SYNE2: variants seen among roughly 807,000 people sequenced by gnomAD.
The protein encoded by SYNE2 is spectrin repeat containing nuclear envelope protein 2.
SYNE2 carries 431 observed loss-of-function variants against 856.3 expected under a neutral mutation model. That is an observed-to-expected ratio of 0.50 (90% confidence interval 0.47 to 0.55). The LOEUF (loss-of-function observed/expected upper bound fraction) is 0.55. SYNE2 is among the 20% of genes least tolerant of loss of function. The probability of loss-of-function intolerance (pLI) is 0.00; values close to 1 mark genes in which losing one functional copy is unlikely to be tolerated. For synonymous variants in SYNE2, 2,923 were observed against 2,872.3 expected (o/e 1.02, Z -0.56); for missense variants, 8,129 against 8,023.2 (o/e 1.01, Z -0.50).
intron 108 of SYNE2, 35 bp downstream of exon 108, chr14:64,216,422 T>A: frequency 6.2e-7 from 1 of 1,605,372 alleles, no homozygotes; most frequent in Non-Finnish European, 8.5e-7. Context: ...ACAGCCTATG[T>A]CTGTGAGTCA....
At chr14:63,948,782 G>GTGTGTATA (rs1454688156) in intron 6 of SYNE2, among the ~76,000 whole-genome samples, 6 of 43,906 alleles carry the variant, frequency 1.4e-4, no homozygotes, top group African/African-American at 4.0e-4. Flanking sequence ...ATGTGTGTGT[G>GTGTGTATA]TATATATATA....
intron 109 of SYNE2, among the ~76,000 whole-genome samples, 187 bp from the exon 110 acceptor site, chr14:64,219,021 T>G (rs531111873): frequency 6.6e-6 from 1 of 151,860 alleles, no homozygotes; most frequent in South Asian, 2.1e-4. Flanking sequence ...ACGCCTCAGA[T>G]CATGTGCTAT....
chr14:64,152,669 T>A lies in SYNE2; in HGVS notation c.15745T>A (p.Ser5249Thr). Residue 5249 changes from serine to threonine, a missense_variant, in exon 85 of 116, where the codon TCC (serine) becomes ACC (threonine). By Grantham distance (58) the Ser-to-Thr change is moderately conservative (BLOSUM62 1). Transcript: ENST00000555002. ...GAVPLLEDTA[S>T]RIDELFQKRS... is the part of the protein sequence containing the mutation. Reference sequence around the variant, plus strand: ...AGTGCCATTGTTAGAAGATACAGCATCCCGAATTGATGAGTTATTTCAAAA... The same window carrying A: ...AGTGCCATTGTTAGAAGATACAGCAACCCGAATTGATGAGTTATTTCAAAA... 1 of 1,614,116 alleles carries A rather than the reference T, an allele frequency of 6.2e-7. No homozygotes were observed. The highest frequency in any genetic ancestry group is 1.1e-5 in the South Asian group (1 of 91,078).
At chr14:64,137,544 T>A (rs1595769966) in intron 78 of SYNE2, among the ~76,000 whole-genome samples, 1 of 152,102 alleles carries the variant, frequency 6.6e-6, no homozygotes, top group Non-Finnish European at 1.5e-5. Flanking sequence ...AGCCACTGCA[T>A]CCAGCCAGTA....
In SYNE2 at chr14:63,807,853, ATATATATATAT is replaced by A. The variant is rs1566578920; in HGVS notation, c.-304-44647_-304-44637del. Among the ~76,000 whole-genome samples the A allele has an allele frequency of 1.3e-3, 129 of 100,652 alleles. 6 individuals are homozygous for A. In the South Asian group the frequency reaches 0.043, roughly 34 times the overall value. The allele number at this position is 100,652 out of a possible 152,430, so 66.0% of individuals were successfully genotyped here. On this transcript the variant is annotated intron_variant, in intron 1 of 23. Transcript: ENST00000674003. Reference sequence around the variant, plus strand: ...TATATATATATATATATATATATATATATATATATATAATTTCAATAGTTTTTGGGAACAAG... The same window carrying A: ...TATATATATATATATATATATATATAAATTTCAATAGTTTTTGGGAACAAG...
In SYNE2 at chr14:64,208,841, T is replaced by A; in HGVS notation, c.18285T>A (p.Asp6095Glu). 1 of 1,614,242 alleles carries A rather than the reference T, an allele frequency of 6.2e-7. No homozygotes were observed. The highest frequency in any genetic ancestry group is 8.5e-7 in the Non-Finnish European group (1 of 1,180,048). ...GTGACGTCCTACTGCACGACTCCGA[T>A]GCCTGTGCAAATGAGACCGAGTGTG... ...NICDVLLHDS[D>E]ACANETECDS... The change falls in exon 101 of 116, where the codon GAT becomes GAA. Residue 6095 changes from aspartate to glutamate, a missense_variant. Around this residue, in one of 3 missense-constraint regions of SYNE2, gnomAD observed 5,410 missense variants for 5,284.8 expected, o/e 1.02. Transcript: ENST00000555002.
chr14:64,219,922 G>T (rs1442044916), intron 110 of SYNE2, among the ~76,000 whole-genome samples: 1 of 152,186 alleles, frequency 6.6e-6, no homozygotes, highest in Non-Finnish European at 1.5e-5. Flanking sequence ...CTAGCCCAGG[G>T]AGCTGCAAAG....
rs140574878 is a variant in SYNE2 at position 63,824,138 on chromosome 14, A to C, written c.-304-28363A>C. On this transcript the variant is annotated intron_variant, in intron 1 of 23. Transcript: ENST00000674003. ...CAGATCACTTGAGCTCAGAAGTTAG[A>C]GATCAGCCTGGGCAACATAATCAAA... Among the ~76,000 whole-genome samples, 154 of 152,326 alleles carry C rather than the reference A, an allele frequency of 1.0e-3. 1 individual carries two copies. Among genetic ancestry groups the C allele is most frequent in the Non-Finnish European group, 1.9e-3 (132 of 68,022 alleles).
intron 2 of SYNE2, among the ~76,000 whole-genome samples, chr14:63,927,381 G>A (rs2095682862): frequency 6.6e-6 from 1 of 152,030 alleles, no homozygotes; most frequent in East Asian, 1.9e-4. Context: ...GACCCCATCT[G>A]ATATGGTTTG....
At position 64,129,908 on chromosome 14, in the gene SYNE2, C is replaced by T. The variant is rs1262786116; in HGVS notation, c.14139+7C>T. The T allele has an allele frequency of 1.2e-6, 2 of 1,614,090 alleles. No homozygotes were observed. Among genetic ancestry groups the T allele is most frequent in the East Asian group, 2.2e-5 (1 of 44,888 alleles). On this transcript the variant is annotated splice_region_variant and intron_variant, in intron 75 of 115. Transcript: ENST00000555002. Reference sequence around the variant, plus strand: ...GGAGGTTTACAAATTAGAGGTATGCCTGAGCAGAAAACATTGACTCAGCAC... The same window carrying T: ...GGAGGTTTACAAATTAGAGGTATGCTTGAGCAGAAAACATTGACTCAGCAC...
intron 100 of SYNE2, 69 bp from the exon 101 acceptor site, chr14:64,208,689 G>A: frequency 1.3e-5 from 20 of 1,539,548 alleles, no homozygotes; most frequent in Admixed American, 1.7e-5. Flanking sequence ...AGGAACGGAG[G>A]TCCTTTGATG....
At position 63,990,330 on chromosome 14, in the gene SYNE2, G is replaced by A; in HGVS notation, c.2314-81G>A. The A allele has an allele frequency of 3.6e-6, 5 of 1,403,436 alleles. No homozygotes were observed. In the South Asian group the frequency reaches 5.1e-5, roughly 14 times the overall value. The allele number at this position is 1,403,436 out of a possible 1,614,324, so 86.9% of individuals were successfully genotyped here. Reference sequence around the variant, plus strand: ...TTTTGGATTAATAATGAACTTTTTTGGTTTCCTGAGATTGTTTTGATTAAT... The same window carrying A: ...TTTTGGATTAATAATGAACTTTTTTAGTTTCCTGAGATTGTTTTGATTAAT... On this transcript the variant is annotated intron_variant, in intron 19 of 115. Coordinates refer to ENST00000555002, the MANE Select transcript of SYNE2 (RefSeq NM_182914.3).
chr14:63,855,838 A>G (rs1456119953), intron 1 of SYNE2, among the ~76,000 whole-genome samples: 1 of 152,196 alleles, frequency 6.6e-6, no homozygotes, highest in Non-Finnish European at 1.5e-5. Context: ...TAACTGGCGT[A>G]TAGCAGGTCC....
At chr14:63,941,352 CATAAG>C (rs2095912770) in intron 3 of SYNE2, among the ~76,000 whole-genome samples, 1 of 152,196 alleles carries the variant, frequency 6.6e-6, no homozygotes. Flanking sequence ...AGGGTAAATA[CATAAG>C]CAGGTTACTC....
chr14:64,040,441 CAAAA>C (rs1160193146), intron 45 of SYNE2, among the ~76,000 whole-genome samples: 1 of 151,274 alleles, frequency 6.6e-6, no homozygotes, highest in African/African-American at 2.4e-5. Context: ...CAACAAACAA[CAAAA>C]AAAGTCATTA....
chr14:64,215,983 T>G (rs911189776), intron 107 of SYNE2: 10 of 1,401,422 alleles, frequency 7.1e-6, no homozygotes, highest in Non-Finnish European at 9.3e-6. Context: ...TCCCTACCAC[T>G]CGAGACCCTG....
intron 6 of SYNE2, among the ~76,000 whole-genome samples, chr14:63,947,560 G>T (rs1199263101): frequency 6.6e-6 from 1 of 152,014 alleles, no homozygotes; most frequent in South Asian, 2.1e-4. Flanking sequence ...CCATGGCCCA[G>T]CACAGTGGCT....
At chr14:64,182,693 C>T (rs1474623417) in intron 96 of SYNE2, among the ~76,000 whole-genome samples, 2 of 152,188 alleles carry the variant, frequency 1.3e-5, no homozygotes, top group Non-Finnish European at 2.9e-5. Flanking sequence ...TTTCAGAGAG[C>T]ATGGGGTTGG....
rs1419729793 is a variant in SYNE2 at position 64,081,587 on chromosome 14, G to T, written c.11484+7G>T. On this transcript the variant is annotated splice_region_variant and intron_variant, in intron 57 of 115. Transcript: ENST00000555002. ...CCATGCTAGCACTGTGCAGGTAAGT[G>T]TTCTTCCAGGTTTTCTGCCACTCAT... 2.5e-6 allele frequency: 4 copies of T among 1,613,780 alleles called. No homozygotes were observed. The African/African-American group carries it at 4.0e-5, about 16-fold the overall frequency.
Sources: gnomAD v4.1 joint callset for allele counts (sites outside exome capture counted in the v4.1 genomes callset) on GRCh38, gnomAD v4.1.1 for gene constraint, gnomAD v4.1.1 regional missense constraint, MANE v1.5 for transcripts, NCBI Gene and HGNC (gene_info 2026-07-23, HGNC 2026-07-21) for gene names.